RNF139: variants seen among roughly 807,000 people sequenced by gnomAD.
RNF139 encodes E3 ubiquitin-protein ligase RNF139.
RNF139 carries 15 observed loss-of-function variants against 49.5 expected under a neutral mutation model. The ratio of observed to expected loss-of-function variants is 0.30; its 90% confidence interval spans 0.20 to 0.47. The LOEUF is 0.47. RNF139 is among the 20% of genes least tolerant of loss of function. The probability of loss-of-function intolerance (pLI) is 1.00; values close to 1 mark genes in which losing one functional copy is unlikely to be tolerated. For missense variants in RNF139, 619 were observed against 806.3 expected (o/e 0.77, Z 2.81); for synonymous variants, 325 against 300.9 (o/e 1.08, Z -0.83).
chr8:124,486,268 T>A lies in RNF139; in HGVS notation c.619T>A (p.Tyr207Asn), dbSNP rs1175011071. ...KLKWFYYSTR[Y>N]VYLLVRHMYR... ...GAAGTGGTTTTATTATTCCACACGA[T>A]ATGTTTATCTTTTGGTGAGGCACAT... Residue 207 changes from tyrosine to asparagine, a missense_variant, in exon 2 of 2, where the codon TAT becomes AAT. Coordinates refer to ENST00000303545, the MANE Select transcript of RNF139 (RefSeq NM_007218.4). 1.2e-6 allele frequency: 2 copies of A among 1,614,146 alleles called. No homozygotes were observed. Among genetic ancestry groups the A allele is most frequent in the Non-Finnish European group, 1.7e-6 (2 of 1,179,958 alleles).
chr8:124,479,438 C>T (rs1440891585), intron 1 of RNF139, among the ~76,000 whole-genome samples: 3 of 151,954 alleles, frequency 2.0e-5, no homozygotes, highest in Non-Finnish European at 4.4e-5. Flanking sequence ...TTTTTGGTGC[C>T]GAAAAAGACT....
chr8:124,488,428 T>C lies in RNF139; in HGVS notation c.*784T>C. 1 of 468,664 alleles carries C rather than the reference T, an allele frequency of 2.1e-6. No individual in the cohort carries two copies. The highest frequency in any genetic ancestry group is 3.6e-5 in the East Asian group (1 of 27,526). The allele number at this position is 468,664 out of a possible 1,614,324, so 29.0% of individuals were successfully genotyped here. A position where few individuals can be genotyped will look rare whatever the true frequency, so the allele number is the denominator to read the frequency against. ...TAAGATACTCAATGATATAAAAACA[T>C]CCTGATCTGATTTTACGAGAAAAAG... On this transcript the variant is annotated 3_prime_UTR_variant, in exon 2 of 2. Coordinates refer to ENST00000303545, the MANE Select transcript of RNF139 (RefSeq NM_007218.4).
chr8:124,480,385 C>A (rs1455179059), intron 1 of RNF139, among the ~76,000 whole-genome samples: 1 of 116,268 alleles, frequency 8.6e-6, no homozygotes, highest in African/African-American at 3.4e-5. Flanking sequence ...GCCTGGGCAA[C>A]AGAGCGAGAC....
chr8:124,487,590 A>T lies in RNF139; in HGVS notation c.1941A>T (p.Gly647=), dbSNP rs1264970996. ...CDDDVQRERN[G]VIQHTGAAAE... ...ATGATGTTCAAAGAGAAAGAAATGG[A>T]GTGATTCAGCACACAGGCGCAGCAG... is the stretch of plus-strand genomic sequence containing the variant. The change falls in exon 2 of 2, where the codon GGA becomes GGT. Residue 647 remains glycine, a synonymous_variant. Coordinates refer to ENST00000303545, the MANE Select transcript of RNF139 (RefSeq NM_007218.4). 1 of 1,613,826 alleles carries T rather than the reference A, an allele frequency of 6.2e-7. No individual in the cohort carries two copies. Among genetic ancestry groups the T allele is most frequent in the Non-Finnish European group, 8.5e-7 (1 of 1,179,888 alleles).
intron 1 of RNF139, among the ~76,000 whole-genome samples, chr8:124,484,815 G>A (rs187949011): frequency 1.3e-5 from 2 of 152,194 alleles, no homozygotes; most frequent in Non-Finnish European, 2.9e-5. Context: ...CTTTTGTAAT[G>A]TGAAGAACAA....
At chr8:124,485,192 C>A (rs1022858415) in intron 1 of RNF139, among the ~76,000 whole-genome samples, 1 of 152,020 alleles carries the variant, frequency 6.6e-6, no homozygotes, top group Admixed American at 6.6e-5. Context: ...GGTGAAACCC[C>A]GTCTCTACTA....
At position 124,488,467 on chromosome 8, in the gene RNF139, G is replaced by A. The variant is rs555439108; in HGVS notation, c.*823G>A. Reference sequence around the variant, plus strand: ...TACGAGAAAAAGAAGGGGAATGGTGGGGAATGGTGTGTACCGATATATAGT... The same window carrying A: ...TACGAGAAAAAGAAGGGGAATGGTGAGGAATGGTGTGTACCGATATATAGT... On this transcript the variant is annotated 3_prime_UTR_variant, in exon 2 of 2. Transcript: ENST00000303545. 84 of 498,274 alleles carry A rather than the reference G, an allele frequency of 1.7e-4. 1 individual carries two copies. In the Admixed American group the frequency reaches 3.3e-3, roughly 20 times the overall value. The allele number at this position is 498,274 out of a possible 1,614,324, so 30.9% of individuals were successfully genotyped here. A position where few individuals can be genotyped will look rare whatever the true frequency, so the allele number is the denominator to read the frequency against.
rs1348069337 is a variant in RNF139 at position 124,488,239 on chromosome 8, G to A, written c.*595G>A. ...GAGACTGAGGGTTGACAAATAAACT[G>A]TATCAACTAAACTTTGATATAAACC... is the stretch of plus-strand genomic sequence containing the variant. On this transcript the variant is annotated 3_prime_UTR_variant, in exon 2 of 2. Coordinates refer to ENST00000303545, the MANE Select transcript of RNF139 (RefSeq NM_007218.4). Among the ~76,000 whole-genome samples, 2 of 152,120 alleles carry A rather than the reference G, an allele frequency of 1.3e-5. No individual in the cohort carries two copies. The highest frequency in any genetic ancestry group is 6.6e-5 in the Admixed American group (1 of 15,266).
intron 1 of RNF139, among the ~76,000 whole-genome samples, chr8:124,484,365 G>A (rs754699482): frequency 1.9e-4 from 29 of 152,162 alleles, no homozygotes; most frequent in Admixed American, 6.6e-4. Context: ...GCAATTTGGT[G>A]ATGGCTTGTA....
chr8:124,484,306 A>C (rs1055555659), intron 1 of RNF139, among the ~76,000 whole-genome samples: 9 of 152,168 alleles, frequency 5.9e-5, no homozygotes, highest in African/African-American at 2.2e-4. Flanking sequence ...ATTTTAGTTG[A>C]TAGTAATTTC....
intron 1 of RNF139, among the ~76,000 whole-genome samples, chr8:124,482,942 AAAT>A (rs1333833926): frequency 1.9e-5 from 2 of 104,274 alleles, no homozygotes; most frequent in Non-Finnish European, 3.8e-5. Context: ...ATATAAAAAA[AAAT>A]ATATATATAT....
intron 1 of RNF139, among the ~76,000 whole-genome samples, chr8:124,476,092 T>G (rs1183635211): frequency 6.6e-6 from 1 of 152,218 alleles, no homozygotes; most frequent in Non-Finnish European, 1.5e-5. Context: ...TTGGCAAATT[T>G]TGTTGATGAG....
At position 124,487,321 on chromosome 8, in the gene RNF139, G is replaced by C; in HGVS notation, c.1672G>C (p.Ala558Pro). 3.1e-6 allele frequency: 5 copies of C among 1,614,022 alleles called. No individual in the cohort carries two copies. The highest frequency in any genetic ancestry group is 4.2e-6 in the Non-Finnish European group (5 of 1,179,968). The change falls in exon 2 of 2, where the codon GCT becomes CCT. Residue 558 changes from alanine to proline, a missense_variant. Transcript: ENST00000303545. ...AICYHEFTTSARITPCNHYFH... is the reference protein window; with the variant it reads ...AICYHEFTTSPRITPCNHYFH... Reference sequence around the variant, plus strand: ...CTGCTATCATGAGTTTACAACATCTGCTCGTATTACACCGTGTAATCATTA... The same window carrying C: ...CTGCTATCATGAGTTTACAACATCTCCTCGTATTACACCGTGTAATCATTA...
At chr8:124,478,519 A>G (rs1161793775) in intron 1 of RNF139, among the ~76,000 whole-genome samples, 1 of 150,962 alleles carries the variant, frequency 6.6e-6, no homozygotes, top group Non-Finnish European at 1.5e-5. Flanking sequence ...GAGGCACGAG[A>G]ATCTCTCGAA....
Position 124,485,911 on chromosome 8 carries a change from T to A in RNF139, c.262T>A (p.Leu88Ile). 1 of 1,614,194 alleles carries A rather than the reference T, an allele frequency of 6.2e-7. No individual in the cohort carries two copies. Among genetic ancestry groups the A allele is most frequent in the Non-Finnish European group, 8.5e-7 (1 of 1,179,996 alleles). The change falls in exon 2 of 2, where the codon TTA becomes ATA. Residue 88 changes from leucine to isoleucine, a missense_variant. Around this residue, in one of 2 missense-constraint regions of RNF139, gnomAD observed 530 missense variants for 728.9 expected, o/e 0.73. Transcript: ENST00000303545. ...KFYTYSSAFL[L>I]AATSVLVNYY... ...TTACACGTACAGCTCAGCCTTTCTG[T>A]TAGCTGCAACTTCAGTGTTGGTGAA...
chr8:124,475,409 C>T (rs1298599152), intron 1 of RNF139, 119 bp downstream of exon 1: 1 of 1,049,822 alleles, frequency 9.5e-7, no homozygotes, highest in Non-Finnish European at 1.4e-6. Context: ...ACTACAGTTT[C>T]ATCCCTCAAA....
At position 124,486,076 on chromosome 8, in the gene RNF139, A is replaced by G; in HGVS notation, c.427A>G (p.Thr143Ala). 1 of 1,614,218 alleles carries G rather than the reference A, an allele frequency of 6.2e-7. No homozygotes were observed. Among genetic ancestry groups the G allele is most frequent in the Non-Finnish European group, 8.5e-7 (1 of 1,180,030 alleles). ...LQLTFGIGYV[T>A]LLQIHSIYSQ... ...GCTAACATTTGGAATTGGATACGTT[A>G]CACTACTCCAGATTCATTCCATCTA... Residue 143 changes from threonine (T) to alanine (A), a missense_variant, in exon 2 of 2, where the codon ACA (threonine) becomes GCA (alanine). Thr to Ala is a moderately conservative substitution (Grantham distance 58, BLOSUM62 0). Coordinates refer to ENST00000303545, the MANE Select transcript of RNF139 (RefSeq NM_007218.4).
Position 124,486,051 on chromosome 8 carries a change from G to C in RNF139, c.402G>C (p.Gln134His), listed in dbSNP as rs1169948307. 6.2e-7 allele frequency: 1 copy of C among 1,614,146 alleles called. No homozygotes were observed. Among genetic ancestry groups the C allele is most frequent in the Non-Finnish European group, 8.5e-7 (1 of 1,180,008 alleles). Residue 134 changes from glutamine to histidine, a missense_variant, in exon 2 of 2, where the codon CAG (glutamine) becomes CAC (histidine). Physicochemically the swap from Gln to His is conservative, Grantham distance 24. This residue lies in a region of RNF139 where 530 missense variants were observed against 728.9 expected (regional missense o/e 0.73). Coordinates refer to ENST00000303545, the MANE Select transcript of RNF139 (RefSeq NM_007218.4). The part of the protein sequence containing the change: ...PSLWMALIVL[Q>H]LTFGIGYVTL... ...TGTGGATGGCACTTATCGTTCTACA[G>C]CTAACATTTGGAATTGGATACGTTA... is the stretch of plus-strand genomic sequence containing the variant.
chr8:124,485,501 T>A (rs1172408771), intron 1 of RNF139, among the ~76,000 whole-genome samples: 3 of 152,362 alleles, frequency 2.0e-5, no homozygotes, highest in South Asian at 4.1e-4. Context: ...GTTTTAAAAC[T>A]TGTTAAAATG....
Sources: allele counts gnomAD v4.1 joint callset (sites outside exome capture counted in the v4.1 genomes callset), GRCh38; gene constraint gnomAD v4.1.1; regional missense constraint gnomAD v4.1.1; transcripts MANE v1.5; gene names NCBI Gene and HGNC (gene_info 2026-07-23, HGNC 2026-07-21).